NRXN1: variants seen among roughly 807,000 people sequenced by gnomAD.
The protein encoded by NRXN1 is neurexin 1.
Under a neutral mutation model 150.9 loss-of-function variants are expected in NRXN1, and 39 were observed. That is an observed-to-expected ratio of 0.26 (90% CI 0.20 to 0.34). The LOEUF (loss-of-function observed/expected upper bound fraction) is 0.34, where lower values mean the gene tolerates loss of function less well. Ranked by LOEUF, NRXN1 falls within the 10% of genes least tolerant of loss-of-function variation. The pLI, the probability that NRXN1 is intolerant of heterozygous loss-of-function variation, is 1.00. For missense variants in NRXN1, 1,815 were observed against 1,949.9 expected, an observed-to-expected ratio of 0.93 and a Z score of 1.30; for synonymous variants, 924 against 757.0, an observed-to-expected ratio of 1.22 and a Z score of -3.62.
chr2:50,402,781 C>G (rs1320880683), intron 17 of NRXN1, among the ~76,000 whole-genome samples: 2 of 152,094 alleles, frequency 1.3e-5, no homozygotes, highest in Non-Finnish European at 2.9e-5. Context: ...AGCCACTTCT[C>G]CAGTGATACG....
At chr2:50,786,495 G>C (rs1222880517) in intron 5 of NRXN1, among the ~76,000 whole-genome samples, 3 of 152,062 alleles carry the variant, frequency 2.0e-5, no homozygotes, top group South Asian at 4.1e-4. Flanking sequence ...TTCATAAATG[G>C]AACAAATGAA....
chr2:50,438,757 G>A (rs911694145), intron 17 of NRXN1, among the ~76,000 whole-genome samples: 4 of 152,284 alleles, frequency 2.6e-5, no homozygotes, highest in East Asian at 1.9e-4. Flanking sequence ...AGGGTCTAAT[G>A]CTTCTCCCCA....
intron 21 of NRXN1, among the ~76,000 whole-genome samples, chr2:50,003,368 AAC>A (rs1286498709): frequency 6.6e-6 from 1 of 152,160 alleles, no homozygotes; most frequent in Non-Finnish European, 1.5e-5. Flanking sequence ...TGTAATGCCA[AAC>A]ACAAATTTTT....
intron 5 of NRXN1, among the ~76,000 whole-genome samples, chr2:50,853,852 T>C (rs1022762626): frequency 6.6e-6 from 1 of 152,118 alleles, no homozygotes; most frequent in Non-Finnish European, 1.5e-5. Flanking sequence ...GAAATTCTCA[T>C]AATTAAAGAG....
intron 5 of NRXN1, among the ~76,000 whole-genome samples, chr2:50,782,049 T>C (rs933039568): frequency 1.3e-5 from 2 of 152,318 alleles, no homozygotes; most frequent in African/African-American, 4.8e-5. Flanking sequence ...TTTTCCTCTA[T>C]GTTTACAATT....
intron 18 of NRXN1, among the ~76,000 whole-genome samples, chr2:50,104,445 G>T (rs540041416): frequency 1.3e-5 from 2 of 152,036 alleles, no homozygotes; most frequent in South Asian, 4.1e-4. Flanking sequence ...TCATTCTAAG[G>T]CCAAGTGGAA....
intron 5 of NRXN1, among the ~76,000 whole-genome samples, chr2:50,815,262 G>A (rs1193033726): frequency 1.3e-5 from 2 of 152,118 alleles, no homozygotes; most frequent in African/African-American, 4.8e-5. Flanking sequence ...GTGCAGAGGT[G>A]CATTGGACAA....
intron 8 of NRXN1, among the ~76,000 whole-genome samples, chr2:50,557,832 T>C (rs1668479371): frequency 6.6e-6 from 1 of 152,250 alleles, no homozygotes; most frequent in South Asian, 2.1e-4. Context: ...ATTGGTCACA[T>C]ATTTAAGGGA....
chr2:50,980,236 T>G (rs907866935), intron 2 of NRXN1, among the ~76,000 whole-genome samples: 1 of 152,122 alleles, frequency 6.6e-6, no homozygotes, highest in African/African-American at 2.4e-5. Flanking sequence ...CTTGAGTTGC[T>G]GAGACTACAG....
chr2:50,969,554 C>T (rs1490520833), intron 2 of NRXN1, among the ~76,000 whole-genome samples: 3 of 151,980 alleles, frequency 2.0e-5, no homozygotes. Context: ...AAGTATAAAT[C>T]AGGAAGTAGG....
At chr2:50,421,922 A>T (rs1000517155) in intron 17 of NRXN1, among the ~76,000 whole-genome samples, 1 of 152,080 alleles carries the variant, frequency 6.6e-6, no homozygotes, top group African/African-American at 2.4e-5. Context: ...TATTAAATAA[A>T]CCCTTCAGTG....
Position 49,950,258 on chromosome 2 carries a change from G to A in NRXN1, c.4129-6467C>T, listed in dbSNP as rs563482453. 2.0e-5 allele frequency among the ~76,000 whole-genome samples: 3 copies of A among 152,008 alleles called. No individual in the cohort carries two copies. The East Asian group carries it at 5.8e-4, about 29-fold the overall frequency. On this transcript the variant is annotated intron_variant, in intron 21 of 22. Transcript: ENST00000401669. ...TCAGTTAATGAACAATCCTATTAAG[G>A]TGCAAGAGGAATTTAGAGGCTGTCT...
intron 5 of NRXN1, chr2:50,898,533 G>T (rs1015671324): frequency 2.4e-6 from 1 of 424,222 alleles, no homozygotes; most frequent in South Asian, 1.8e-5. Context: ...TCAAATAAAA[G>T]ACATGCATAT....
chr2:50,272,467 C>T (rs186050371), intron 17 of NRXN1, among the ~76,000 whole-genome samples: 1 of 152,042 alleles, frequency 6.6e-6, no homozygotes, highest in East Asian at 1.9e-4. Flanking sequence ...AAAAAAGTGG[C>T]AAACAGAAAA....
At position 50,829,215 on chromosome 2, in the gene NRXN1, C is replaced by T. The variant is rs568876006; in HGVS notation, c.832+92654G>A. Reference sequence around the variant, plus strand: ...CTTCGGCTTGGCATCAGAGGGAGACCGTGGAAAGAGAGGGAGAGGGAGACC... The same window carrying T: ...CTTCGGCTTGGCATCAGAGGGAGACTGTGGAAAGAGAGGGAGAGGGAGACC... On this transcript the variant is annotated intron_variant, in intron 5 of 22. Transcript: ENST00000401669. Among the ~76,000 whole-genome samples, 5 of 150,956 alleles carry T rather than the reference C, an allele frequency of 3.3e-5. 1 individual carries two copies. Among genetic ancestry groups the T allele is most frequent in the South Asian group, 4.2e-4 (2 of 4,724 alleles).
intron 5 of NRXN1, among the ~76,000 whole-genome samples, chr2:50,736,725 A>G (rs1698800707): frequency 6.6e-6 from 1 of 152,048 alleles, no homozygotes; most frequent in African/African-American, 2.4e-5. Flanking sequence ...GCCTCTCCAG[A>G]CATGTGGAAC....
At chr2:50,309,328 G>C (rs558385394) in intron 17 of NRXN1, among the ~76,000 whole-genome samples, 55 of 152,206 alleles carry the variant, frequency 3.6e-4, no homozygotes, top group African/African-American at 1.3e-3. Flanking sequence ...CCTCTAACTT[G>C]ATGAAAAATC....
chr2:50,934,564 C>T (rs1334406808), intron 2 of NRXN1, among the ~76,000 whole-genome samples: 2 of 152,230 alleles, frequency 1.3e-5, no homozygotes, highest in Non-Finnish European at 2.9e-5. Context: ...CACTGGCTAC[C>T]AGGCTGGACA....
At chr2:49,951,735 T>G (rs540113807) in intron 21 of NRXN1, among the ~76,000 whole-genome samples, 1 of 152,118 alleles carries the variant, frequency 6.6e-6, no homozygotes, top group East Asian at 1.9e-4. Context: ...GTCACACAGG[T>G]TGAAATGAAA....
Sources: gnomAD v4.1 joint callset for allele counts (sites outside exome capture counted in the v4.1 genomes callset) on GRCh38, gnomAD v4.1.1 for gene constraint, MANE v1.5 for transcripts, NCBI Gene and HGNC (gene_info 2026-07-23, HGNC 2026-07-21) for gene names.